SNX25: variants seen among roughly 807,000 people sequenced by gnomAD.
SNX25 encodes sorting nexin-25.
A neutral mutation model predicts 113.7 loss-of-function variants in SNX25; 62 were observed. That is an observed-to-expected ratio of 0.55 (90% CI 0.44 to 0.67). The LOEUF is 0.67. SNX25 is among the 30% of genes least tolerant of loss of function. The pLI is 0.00. For missense variants in SNX25, 1,014 were observed against 1,161.0 expected (o/e 0.87, Z 1.84); for synonymous variants, 421 against 436.2 (o/e 0.97, Z 0.43).
intron 9 of SNX25, among the ~76,000 whole-genome samples, chr4:185,325,252 C>T (rs1244727846): frequency 6.6e-6 from 1 of 152,026 alleles, no homozygotes; most frequent in Admixed American, 6.6e-5. Flanking sequence ...AAAGACAAAT[C>T]GCCAGGTGCA....
rs535587484 is a variant in SNX25, at chr4:185,219,176, C to CT, written c.429+8924dup. ...GAATGTCTGGAGGGCCTTGGTCCGT[C>CT]TTTCGGGGTTTATCTAAGCCAAGGC... On this transcript the variant is annotated intron_variant, in intron 1 of 18. Transcript: ENST00000652585. 4.4e-3 allele frequency among the ~76,000 whole-genome samples: 671 copies of CT among 152,292 alleles called. 4 individuals are homozygous for CT. Among genetic ancestry groups the CT allele is most frequent in the Middle Eastern group, 6.8e-3 (2 of 294 alleles).
chr4:185,208,939 G>T (rs538630236), upstream of SNX25, among the ~76,000 whole-genome samples: 66 of 152,276 alleles, frequency 4.3e-4, no homozygotes, highest in South Asian at 1.5e-3. Flanking sequence ...AAAATTATTT[G>T]GACCACGTTC....
chr4:185,217,009 G>T (rs564171170), intron 1 of SNX25, among the ~76,000 whole-genome samples: 124 of 152,322 alleles, frequency 8.1e-4, no homozygotes, highest in African/African-American at 2.7e-3. Context: ...TTGTGGAAAT[G>T]CCGTGGAGTA....
chr4:185,260,004 T>C (rs758542766), intron 3 of SNX25, among the ~76,000 whole-genome samples: 1 of 152,204 alleles, frequency 6.6e-6, no homozygotes, highest in Non-Finnish European at 1.5e-5. Flanking sequence ...CCCACGGTTT[T>C]CCAGCTTGCT....
downstream of SNX25, among the ~76,000 whole-genome samples, chr4:185,371,335 T>A (rs143171117): frequency 1.3e-5 from 2 of 151,872 alleles, no homozygotes; most frequent in Non-Finnish European, 2.9e-5. Flanking sequence ...GTTAGGAGAT[T>A]GAGACCATCC....
chr4:185,217,218 A>C (rs1394554563), intron 1 of SNX25, among the ~76,000 whole-genome samples: 3 of 151,294 alleles, frequency 2.0e-5, no homozygotes, highest in African/African-American at 7.3e-5. Context: ...GCACCACTGC[A>C]CTCCAGCCTG....
At chr4:185,220,939 C>A (rs938493352) in intron 1 of SNX25, among the ~76,000 whole-genome samples, 2 of 152,158 alleles carry the variant, frequency 1.3e-5, no homozygotes, top group African/African-American at 4.8e-5. Flanking sequence ...TCATGGCTCA[C>A]CGCAGCATCA....
chr4:185,286,552 C>T (rs538937119), intron 5 of SNX25, among the ~76,000 whole-genome samples: 1 of 152,340 alleles, frequency 6.6e-6, no homozygotes, highest in South Asian at 2.1e-4. Flanking sequence ...TTTTAGCCTG[C>T]TTTCCTGGAA....
At chr4:185,267,479 C>T (rs1404748830) in intron 5 of SNX25, among the ~76,000 whole-genome samples, 1 of 152,002 alleles carries the variant, frequency 6.6e-6, no homozygotes, top group East Asian at 1.9e-4. Context: ...TGCTGTAATC[C>T]CAGCACTTTG....
upstream of SNX25, among the ~76,000 whole-genome samples, chr4:185,206,029 T>C (rs1044217688): frequency 1.6e-4 from 24 of 152,294 alleles, no homozygotes; most frequent in African/African-American, 5.8e-4. Context: ...GGCAAGAATG[T>C]GGAAAGATCG....
intron 1 of SNX25, among the ~76,000 whole-genome samples, chr4:185,242,030 C>T (rs1325379468): frequency 1.3e-5 from 2 of 151,418 alleles, no homozygotes; most frequent in Admixed American, 6.6e-5. Flanking sequence ...GAAATTTCAT[C>T]TTGGGGAAAA....
intron 7 of SNX25, among the ~76,000 whole-genome samples, chr4:185,318,528 C>T (rs2095093254): frequency 6.6e-6 from 1 of 151,962 alleles, no homozygotes; most frequent in Non-Finnish European, 1.5e-5. Context: ...TAAAAGGATG[C>T]TTACAGGAGA....
At chr4:185,243,851 A>T (rs1301462681) in intron 1 of SNX25, among the ~76,000 whole-genome samples, 1 of 152,198 alleles carries the variant, frequency 6.6e-6, no homozygotes, top group Non-Finnish European at 1.5e-5. Context: ...AAAAAATAAG[A>T]ATAAAAAATT....
Position 185,210,452 on chromosome 4 carries a change from G to GGCTCCGCGCTCCGC in SNX25, c.429+199_429+212dup, listed in dbSNP as rs529785733. ...CGCGCGCGGCGGGCTCCGGGCTCCG[G>GGCTCCGCGCTCCGC]GCTCCGCGCTCCGCGGTGCTGGAGG... is the stretch of plus-strand genomic sequence containing the variant. On this transcript the variant is annotated intron_variant, in intron 1 of 18. Transcript: ENST00000652585. This position sits in a 1 kb window ranked among gnomAD's most constrained non-coding sequence, Gnocchi z 4.4. 6.7e-5 allele frequency among the ~76,000 whole-genome samples: 10 copies of GGCTCCGCGCTCCGC among 148,580 alleles called. No homozygotes were observed. The East Asian group carries it at 1.6e-3, about 23-fold the overall frequency.
downstream of SNX25, chr4:185,367,193 C>T (rs781419943): frequency 3.2e-5 from 51 of 1,611,956 alleles, no homozygotes; most frequent in Middle Eastern, 1.6e-4. Flanking sequence ...AATTCTTTGA[C>T]GAATAAGTAA....
At chr4:185,305,137 A>G (rs1754280838) in intron 6 of SNX25, among the ~76,000 whole-genome samples, 1 of 152,052 alleles carries the variant, frequency 6.6e-6, no homozygotes, top group African/African-American at 2.4e-5. Flanking sequence ...TAGTCTGGAG[A>G]CATTTTTGGT....
intron 6 of SNX25, among the ~76,000 whole-genome samples, chr4:185,294,476 T>A (rs1752590019): frequency 6.6e-6 from 1 of 152,202 alleles, no homozygotes; most frequent in Non-Finnish European, 1.5e-5. Flanking sequence ...AGGGGTTATG[T>A]AGGAGTTTGG....
chr4:185,208,683 G>A (rs1737315058), upstream of SNX25, among the ~76,000 whole-genome samples: 3 of 151,690 alleles, frequency 2.0e-5, no homozygotes, highest in East Asian at 2.0e-4. Context: ...AGCCGAGATC[G>A]CCCCACTGCA....
chr4:185,375,487 A>AAAAAAAAAATATGTAT, the SNX25 span: 1 of 12,010 alleles, frequency 8.3e-5, no homozygotes, highest in Non-Finnish European at 1.5e-4. Context: ...AAAAAAAAAA[A>AAAAAAAAAATATGTAT]ATATATATAT....
Sources: gnomAD v4.1 joint callset for allele counts (sites outside exome capture counted in the v4.1 genomes callset) on GRCh38, gnomAD v4.1.1 for gene constraint, Gnocchi (gnomAD v3.1) non-coding constraint, MANE v1.5 for transcripts, NCBI Gene and HGNC (gene_info 2026-07-23, HGNC 2026-07-21) for gene names.